ACACA: variants seen among roughly 807,000 people sequenced by gnomAD.
The protein encoded by ACACA is acetyl-CoA carboxylase 1.
A neutral mutation model predicts 296.1 loss-of-function variants in ACACA; 103 were observed. The observed-to-expected ratio is 0.35, with a 90% confidence interval of 0.30 to 0.41. The LOEUF is 0.41. ACACA is among the 10% of genes least tolerant of loss of function. The probability of loss-of-function intolerance (pLI) is 1.00; values close to 1 mark genes in which losing one functional copy is unlikely to be tolerated. For missense variants in ACACA, 1,554 were observed against 2,989.7 expected, an observed-to-expected ratio of 0.52 and a Z score of 11.20; for synonymous variants, 953 against 1,038.6, an observed-to-expected ratio of 0.92 and a Z score of 1.58.
intron 3 of ACACA, among the ~76,000 whole-genome samples, chr17:37,329,383 T>C (rs1381418242): frequency 2.0e-5 from 3 of 152,150 alleles, no homozygotes; most frequent in Admixed American, 6.5e-5. Flanking sequence ...TTCATATCTT[T>C]AATCCCAGCA....
At chr17:37,131,915 C>T (rs994089944) in intron 45 of ACACA, among the ~76,000 whole-genome samples, 19 of 152,234 alleles carry the variant, frequency 1.2e-4, no homozygotes, top group Admixed American at 1.3e-4. Context: ...GAAGGAGCCT[C>T]GTGAAGAGGG....
chr17:37,369,764 G>T (rs965536251), intron 1 of ACACA, among the ~76,000 whole-genome samples: 1 of 152,094 alleles, frequency 6.6e-6, no homozygotes, highest in South Asian at 2.1e-4. Context: ...GGAGGGCAGT[G>T]GTGCAATCTT....
rs553138318 is a variant in ACACA at position 37,295,347 on chromosome 17, A to G, written c.339-10377T>C. On this transcript the variant is annotated intron_variant, in intron 3 of 55. Coordinates refer to ENST00000616317, the MANE Select transcript of ACACA (RefSeq NM_198834.3). ...AACAAACAAGAAAAATAAACCCCAA[A>G]CTTTGGGATTACCTCCTGGCTGGCT... Among the ~76,000 whole-genome samples, 6 of 152,050 alleles carry G rather than the reference A, an allele frequency of 3.9e-5. No homozygotes were observed. In the South Asian group the frequency reaches 1.2e-3, roughly 32 times the overall value.
intron 3 of ACACA, chr17:37,328,825 A>G: frequency 2.5e-6 from 1 of 398,436 alleles, no homozygotes. Context: ...TGTACACAAC[A>G]ATCACCTGGA....
At chr17:37,298,390 A>G (rs1193688386) in intron 3 of ACACA, among the ~76,000 whole-genome samples, 1 of 152,220 alleles carries the variant, frequency 6.6e-6, no homozygotes, top group African/African-American at 2.4e-5. Flanking sequence ...AGCAAACAAA[A>G]AAGATAATGG....
intron 33 of ACACA, among the ~76,000 whole-genome samples, chr17:37,204,498 G>A (rs2078410512): frequency 6.6e-6 from 1 of 151,986 alleles, no homozygotes; most frequent in Admixed American, 6.6e-5. Flanking sequence ...ATGGAATCGT[G>A]GTAAGATGCA....
At chr17:37,181,457 A>G (rs1477114007) in intron 39 of ACACA, 101 bp from the exon 40 acceptor site, 4 of 1,349,364 alleles carry the variant, frequency 3.0e-6, no homozygotes, top group Admixed American at 1.8e-5. Context: ...CTTTGAAAAC[A>G]TTTTTGGTAG....
intron 41 of ACACA, among the ~76,000 whole-genome samples, chr17:37,174,000 ATATATATATATATATATATATT>A (rs1481803628): frequency 6.3e-4 from 6 of 9,518 alleles, no homozygotes; most frequent in African/African-American, 3.5e-3. Flanking sequence ...ATATATATAT[ATATATATATATATATATATATT>A]TTTTTTTTTT....
intron 32 of ACACA, 101 bp from the exon 33 acceptor site, chr17:37,205,973 C>T (rs1387052331): frequency 1.9e-6 from 2 of 1,026,636 alleles, no homozygotes; most frequent in East Asian, 4.9e-5. Flanking sequence ...AAGAGATACA[C>T]CCCACAGGAT....
intron 52 of ACACA, 92 bp downstream of exon 52, chr17:37,111,439 T>C (rs1206697002): frequency 5.5e-6 from 5 of 910,142 alleles, no homozygotes; most frequent in Non-Finnish European, 9.3e-6. Flanking sequence ...TTTGATCAAA[T>C]GCTTCAGTGC....
chr17:37,155,124 G>A (rs960334814), intron 43 of ACACA, among the ~76,000 whole-genome samples: 4 of 152,058 alleles, frequency 2.6e-5, no homozygotes, highest in African/African-American at 9.7e-5. Context: ...AAGTTTATAT[G>A]AAACTTATAT....
At chr17:37,355,699 T>C (rs1278477587) in intron 1 of ACACA, among the ~76,000 whole-genome samples, 1 of 143,680 alleles carries the variant, frequency 7.0e-6, no homozygotes, top group Non-Finnish European at 1.5e-5. Flanking sequence ...CTACTAAAAA[T>C]ACAAAAAAAT....
intron 33 of ACACA, among the ~76,000 whole-genome samples, chr17:37,205,192 A>G (rs2078440870): frequency 6.6e-6 from 1 of 152,220 alleles, no homozygotes; most frequent in African/African-American, 2.4e-5. Flanking sequence ...GAAAAAGTCA[A>G]TGACTTTTGA....
intron 10 of ACACA, 132 bp downstream of exon 10, chr17:37,270,619 G>A (rs2082026931): frequency 4.2e-6 from 3 of 714,752 alleles, no homozygotes; most frequent in East Asian, 2.6e-5. Flanking sequence ...AGAAACTAGA[G>A]AGAAAGACAG....
Position 37,391,939 on chromosome 17 carries a change from A to T in ACACA, c.38+14323T>A, listed in dbSNP as rs2050902190. 1.8e-5 allele frequency: 10 copies of T among 562,366 alleles called. No homozygotes were observed. The South Asian group carries it at 2.6e-4, about 14-fold the overall frequency. 34.8% of individuals were successfully genotyped at this position (562,366 alleles called of 1,614,324 possible). A position where few individuals can be genotyped will look rare whatever the true frequency, so the allele number is the denominator to read the frequency against. ...CTTCTGTAATTCACTTCATACATCC[A>T]TCTAAATGGATACCTTTCCATCCCC... On this transcript the variant is annotated intron_variant, in intron 1 of 55. Coordinates refer to ENST00000616317, the MANE Select transcript of ACACA (RefSeq NM_198834.3).
chr17:37,365,086 C>A (rs907447859), intron 1 of ACACA, among the ~76,000 whole-genome samples: 6 of 152,054 alleles, frequency 3.9e-5, no homozygotes, highest in African/African-American at 1.4e-4. Context: ...GATTCTCCTG[C>A]CTCAGCCTCC....
chr17:37,390,267 A>G (rs1489331073), intron 1 of ACACA, among the ~76,000 whole-genome samples: 6 of 68,686 alleles, frequency 8.7e-5, no homozygotes, highest in East Asian at 5.9e-4. Context: ...ATATAATTAT[A>G]TATAATATAT....
chr17:37,091,696 C>A (rs970351040), intron 54 of ACACA, among the ~76,000 whole-genome samples: 2 of 151,930 alleles, frequency 1.3e-5, no homozygotes, highest in Admixed American at 6.5e-5. Flanking sequence ...TCTCCTGCAT[C>A]GGCATCCTGA....
Position 37,111,881 on chromosome 17 carries a change from C to A in ACACA, c.6453-238G>T, listed in dbSNP as rs374934551. ...AAATAATTCTCATTACCACACCAGT[C>A]GACTTCCATTTCAAAGGGAGAAGAA... On this transcript the variant is annotated intron_variant, in intron 51 of 55. Coordinates refer to ENST00000616317, the MANE Select transcript of ACACA (RefSeq NM_198834.3). Among the ~76,000 whole-genome samples, 16 of 152,232 alleles carry A rather than the reference C, an allele frequency of 1.1e-4. No individual in the cohort carries two copies. The East Asian group carries it at 1.9e-3, about 18-fold the overall frequency.
Sources: gnomAD v4.1 joint callset for allele counts (sites outside exome capture counted in the v4.1 genomes callset) on GRCh38, gnomAD v4.1.1 for gene constraint, MANE v1.5 for transcripts, NCBI Gene and HGNC (gene_info 2026-07-23, HGNC 2026-07-21) for gene names.